RNF125: variants seen among roughly 807,000 people sequenced by gnomAD.
The protein encoded by RNF125 is ring finger protein 125.
Under a neutral mutation model 26.0 loss-of-function variants are expected in RNF125, and 21 were observed. The ratio of observed to expected loss-of-function variants is 0.81; its 90% CI spans 0.57 to 1.16. The LOEUF is 1.16. RNF125 is among the 50% of genes most tolerant of loss of function. The probability of loss-of-function intolerance (pLI) is 0.00; values close to 1 mark genes in which losing one functional copy is unlikely to be tolerated. For synonymous variants in RNF125, 95 were observed against 109.2 expected (o/e 0.87, Z 0.81); for missense variants, 270 against 299.4 (o/e 0.90, Z 0.72).
chr18:32,036,134 A>G (rs2039151251), intron 1 of RNF125, among the ~76,000 whole-genome samples: 1 of 146,264 alleles, frequency 6.8e-6, no homozygotes, highest in African/African-American at 2.6e-5. Flanking sequence ...AGCCTGGGTG[A>G]CAAGAGCAAG....
downstream of RNF125, among the ~76,000 whole-genome samples, chr18:32,075,268 C>T (rs1051606142): frequency 6.6e-6 from 1 of 152,140 alleles, no homozygotes; most frequent in Non-Finnish European, 1.5e-5. Flanking sequence ...AGAAATTGTC[C>T]ATTTCTTAGC....
chr18:32,050,269 T>C (rs1045729040), intron 4 of RNF125, among the ~76,000 whole-genome samples: 2 of 152,200 alleles, frequency 1.3e-5, no homozygotes, highest in African/African-American at 4.8e-5. Flanking sequence ...TATGCATCCT[T>C]AAGAGCCAAT....
At chr18:32,047,919 G>A (rs1348139164) in intron 4 of RNF125, among the ~76,000 whole-genome samples, 1 of 152,180 alleles carries the variant, frequency 6.6e-6, no homozygotes, top group Middle Eastern at 3.2e-3. Context: ...GAGGCCAAGA[G>A]TTCGAGACCA....
chr18:32,031,642 A>G (rs1479071509), intron 1 of RNF125, among the ~76,000 whole-genome samples: 2 of 152,116 alleles, frequency 1.3e-5, no homozygotes, highest in African/African-American at 4.8e-5. Context: ...CATTTGAACC[A>G]TTTGTCATAA....
At chr18:32,086,291 C>T in the RNF125 span, among the ~76,000 whole-genome samples, 1 of 150,620 alleles carries the variant, frequency 6.6e-6, no homozygotes, top group Non-Finnish European at 1.5e-5. Context: ...TCAAGCAATC[C>T]TCCTGCCTCA....
At chr18:32,062,895 C>G (rs949007829) in intron 4 of RNF125, among the ~76,000 whole-genome samples, 1 of 152,052 alleles carries the variant, frequency 6.6e-6, no homozygotes, top group African/African-American at 2.4e-5. Flanking sequence ...ACTTGGCACT[C>G]AGTAATAAGT....
At chr18:32,025,258 A>G (rs1213135328) in intron 1 of RNF125, among the ~76,000 whole-genome samples, 1 of 152,222 alleles carries the variant, frequency 6.6e-6, no homozygotes, top group Non-Finnish European at 1.5e-5. Flanking sequence ...TCACATGCAC[A>G]CACCAGTATC....
rs1007471744 is a variant in RNF125, at chr18:32,068,555, G to A, written c.*171G>A. On this transcript the variant is annotated 3_prime_UTR_variant, in exon 6 of 6. Transcript: ENST00000217740. ...TTTAAAAACTGCTTTAATTTTAATGGTTTAAATCTGTTTTACATCCTTGAG... is the reference window on the plus strand; with the variant it reads ...TTTAAAAACTGCTTTAATTTTAATGATTTAAATCTGTTTTACATCCTTGAG... 8.1e-6 allele frequency: 4 copies of A among 496,614 alleles called. No individual in the cohort carries two copies. In the East Asian group the frequency reaches 9.9e-5, roughly 12 times the overall value. The allele number at this position is 496,614 out of a possible 1,614,324, so 30.8% of individuals were successfully genotyped here. A position where few individuals can be genotyped will look rare whatever the true frequency, so the allele number is the denominator to read the frequency against.
At position 32,065,969 on chromosome 18, in the gene RNF125, A is replaced by G; in HGVS notation, c.572A>G (p.His191Arg). 1.2e-6 allele frequency: 2 copies of G among 1,612,986 alleles called. No individual in the cohort carries two copies. The highest frequency in any genetic ancestry group is 8.5e-7 in the Non-Finnish European group (1 of 1,178,936). The change falls in exon 5 of 6, where the codon CAT (histidine) becomes CGT (arginine). Residue 191 changes from histidine (H) to arginine (R), a missense_variant. Physicochemically the swap from His to Arg is conservative, Grantham distance 29. Coordinates refer to ENST00000217740, the MANE Select transcript of RNF125 (RefSeq NM_017831.4). Reference protein sequence around the residue: ...PSSFSGSLIRHLQVSHTLFYD... With the variant: ...PSSFSGSLIRRLQVSHTLFYD... ...AGCTTCAGTGGCAGTTTAATAAGAC[A>G]TCTGCAAGTTAGTCACACTTTGTTT... is the stretch of plus-strand genomic sequence containing the variant.
intron 1 of RNF125, among the ~76,000 whole-genome samples, chr18:32,028,662 G>A (rs2039063921): frequency 6.8e-6 from 1 of 146,706 alleles, no homozygotes; most frequent in Non-Finnish European, 1.5e-5. Context: ...TCAGCTCACT[G>A]TAACCTCTAC....
chr18:32,084,518 A>G, the RNF125 span, among the ~76,000 whole-genome samples: 1 of 152,194 alleles, frequency 6.6e-6, no homozygotes, highest in Admixed American at 6.5e-5. Context: ...TGCATTCCGA[A>G]TATCTGTTTC....
At chr18:32,019,125 C>T in intron 1 of RNF125, 98 bp downstream of exon 1, 1 of 1,433,048 alleles carries the variant, frequency 7.0e-7, no homozygotes, top group East Asian at 2.5e-5. Flanking sequence ...CGGAAGACAG[C>T]CTCTTAGGAA....
At chr18:32,081,538 G>C in the RNF125 span, among the ~76,000 whole-genome samples, 1 of 152,082 alleles carries the variant, frequency 6.6e-6, no homozygotes, top group African/African-American at 2.4e-5. Context: ...TGCAGTGATT[G>C]TACCATCTCT....
intron 4 of RNF125, among the ~76,000 whole-genome samples, chr18:32,060,336 T>G (rs1195710293): frequency 6.6e-6 from 1 of 152,182 alleles, no homozygotes; most frequent in Non-Finnish European, 1.5e-5. Context: ...GACCTGTCAT[T>G]GTTGCGGGTG....
chr18:32,050,870 T>C (rs905525735), intron 4 of RNF125, among the ~76,000 whole-genome samples: 2 of 53,692 alleles, frequency 3.7e-5, no homozygotes, highest in South Asian at 6.5e-4. Flanking sequence ...GAGTGCTTTT[T>C]TTTTTTTTTT....
the RNF125 span, among the ~76,000 whole-genome samples, chr18:32,078,942 A>G: frequency 2.6e-5 from 4 of 152,168 alleles, no homozygotes; most frequent in African/African-American, 9.7e-5. Context: ...ACCCAAGTAG[A>G]GTCAGTCACA....
chr18:32,090,658 G>T, the RNF125 span, among the ~76,000 whole-genome samples: 1 of 151,896 alleles, frequency 6.6e-6, no homozygotes, highest in East Asian at 1.9e-4. Context: ...TAATACTTTG[G>T]CAAATACCAT....
intron 1 of RNF125, among the ~76,000 whole-genome samples, chr18:32,024,209 C>CT (rs563347490): frequency 3.4e-4 from 8 of 23,606 alleles, no homozygotes; most frequent in Admixed American, 4.3e-4. Flanking sequence ...TTTTTTTTTT[C>CT]TTTTTTTTTT....
At chr18:32,033,152 G>A (rs1395542656) in intron 1 of RNF125, among the ~76,000 whole-genome samples, 2 of 152,186 alleles carry the variant, frequency 1.3e-5, no homozygotes. Flanking sequence ...CAACAGGTGT[G>A]TGGGTTTAAC....
Sources: gnomAD v4.1 joint callset for allele counts (sites outside exome capture counted in the v4.1 genomes callset) on GRCh38, gnomAD v4.1.1 for gene constraint, MANE v1.5 for transcripts, NCBI Gene and HGNC (gene_info 2026-07-23, HGNC 2026-07-21) for gene names.